MAP3K7CL: variants seen among roughly 807,000 people sequenced by gnomAD.
MAP3K7CL encodes the protein MAP3K7 C-terminal-like protein.
Under a neutral mutation model 18.6 loss-of-function variants are expected in MAP3K7CL, and 16 were observed. That is an observed-to-expected ratio of 0.86 (90% CI 0.58 to 1.31). MAP3K7CL has a LOEUF of 1.31. MAP3K7CL is among the 50% of genes most tolerant of loss of function. MAP3K7CL has a pLI of 0.00. For missense variants in MAP3K7CL, 163 were observed against 174.4 expected (o/e 0.93, Z 0.37); for synonymous variants, 65 against 66.8 (o/e 0.97, Z 0.13).
At chr21:29,171,756 G>A (rs1488498940) in intron 4 of MAP3K7CL, among the ~76,000 whole-genome samples, 3 of 135,716 alleles carry the variant, frequency 2.2e-5, no homozygotes, top group African/African-American at 5.6e-5. Context: ...GAAGTGAGCC[G>A]ACATCACGCC....
intron 4 of MAP3K7CL, among the ~76,000 whole-genome samples, chr21:29,115,569 C>T (rs1251295967): frequency 2.0e-5 from 3 of 152,134 alleles, no homozygotes; most frequent in Admixed American, 6.5e-5. Context: ...GCTTTTTGAC[C>T]GTAGGCAGGT....
At chr21:29,080,642 T>G (rs1170981411) in intron 1 of MAP3K7CL, 1 of 152,246 alleles carries the variant, frequency 6.6e-6, no homozygotes, top group African/African-American at 2.4e-5. Context: ...GTTCTTGATA[T>G]CGGTCCATCT....
At chr21:29,136,348 TA>T (rs1304403226) in intron 2 of MAP3K7CL, among the ~76,000 whole-genome samples, 3 of 152,122 alleles carry the variant, frequency 2.0e-5, no homozygotes, top group Non-Finnish European at 4.4e-5. Flanking sequence ...ACCACACATT[TA>T]GGGGGAAACA....
At chr21:29,112,187 A>G (rs2086431002) in intron 4 of MAP3K7CL, among the ~76,000 whole-genome samples, 1 of 152,114 alleles carries the variant, frequency 6.6e-6, no homozygotes, top group African/African-American at 2.4e-5. Flanking sequence ...AGTCCCAGCT[A>G]CTCAAGAGGC....
chr21:29,131,011 G>A (rs905852965), intron 1 of MAP3K7CL, 88 bp downstream of exon 1: 4 of 826,830 alleles, frequency 4.8e-6, no homozygotes, highest in South Asian at 1.1e-4. Context: ...GCCAAGAGAA[G>A]GAACCTGTGG....
At chr21:29,108,905 A>G (rs1027657234) in intron 4 of MAP3K7CL, 15 of 754,762 alleles carry the variant, frequency 2.0e-5, no homozygotes, top group South Asian at 1.2e-4. Context: ...GTCAGCTCCA[A>G]TGGTGTGAAA....
intron 3 of MAP3K7CL, among the ~76,000 whole-genome samples, chr21:29,152,094 A>G (rs2087289166): frequency 6.6e-6 from 1 of 152,102 alleles, no homozygotes; most frequent in South Asian, 2.1e-4. Context: ...TTGTTTGTTG[A>G]ATGAAGGATA....
At chr21:29,142,855 A>G (rs2087039027) in intron 2 of MAP3K7CL, among the ~76,000 whole-genome samples, 2 of 152,206 alleles carry the variant, frequency 1.3e-5, no homozygotes, top group Admixed American at 1.3e-4. Context: ...AGTTGTTCAC[A>G]TTCACCAATT....
rs188643282 is a variant in MAP3K7CL, at chr21:29,115,249, C to T, written c.370+22668C>T. On this transcript the variant is annotated intron_variant, in intron 4 of 6. Transcript: ENST00000286791. ...CCAAAAGGTATCCTGTTTAGCTTGT[C>T]ATTTAAATAGCTAAGCCCCTGCTAC... Among the ~76,000 whole-genome samples, 26 of 152,312 alleles carry T rather than the reference C, an allele frequency of 1.7e-4. No individual in the cohort carries two copies. The East Asian group carries it at 3.9e-3, about 23-fold the overall frequency.
intron 3 of MAP3K7CL, 34 bp downstream of exon 3, chr21:29,149,284 C>T (rs2087216562): frequency 6.3e-7 from 1 of 1,585,678 alleles, no homozygotes; most frequent in South Asian, 1.1e-5. Context: ...CTTCTTTCCT[C>T]CTTAGTGTCA....
At chr21:29,125,539 T>C (rs1431688785) in intron 4 of MAP3K7CL, among the ~76,000 whole-genome samples, 2 of 152,236 alleles carry the variant, frequency 1.3e-5, no homozygotes, top group Admixed American at 1.3e-4. Context: ...CCAGTTACCC[T>C]TAAAATCAAA....
intron 4 of MAP3K7CL, among the ~76,000 whole-genome samples, chr21:29,168,162 A>G (rs956041553): frequency 6.6e-6 from 1 of 152,232 alleles, no homozygotes; most frequent in Non-Finnish European, 1.5e-5. Context: ...CATTTTCATT[A>G]ACATAAATAC....
chr21:29,147,195 CAT>C (rs1341121413), intron 2 of MAP3K7CL, among the ~76,000 whole-genome samples: 3 of 151,854 alleles, frequency 2.0e-5, no homozygotes, highest in African/African-American at 7.3e-5. Flanking sequence ...ACTGTATATG[CAT>C]ATGTGTACTG....
chr21:29,087,890 G>A (rs911240291), intron 1 of MAP3K7CL, among the ~76,000 whole-genome samples: 1 of 152,090 alleles, frequency 6.6e-6, no homozygotes, highest in Non-Finnish European at 1.5e-5. Context: ...ACCGCGCCCG[G>A]TCGTGCTCAT....
chr21:29,151,693 T>A (rs1012266818), intron 3 of MAP3K7CL, among the ~76,000 whole-genome samples: 2 of 152,336 alleles, frequency 1.3e-5, no homozygotes, highest in East Asian at 3.9e-4. Context: ...AAATTATGGA[T>A]CATTAATTCT....
At chr21:29,141,943 T>C (rs528094180) in intron 2 of MAP3K7CL, among the ~76,000 whole-genome samples, 1 of 152,296 alleles carries the variant, frequency 6.6e-6, no homozygotes, top group South Asian at 2.1e-4. Flanking sequence ...TTTTATCACA[T>C]ATTTTATTCC....
At chr21:29,134,076 C>T (rs906602060) in intron 2 of MAP3K7CL, among the ~76,000 whole-genome samples, 2 of 152,230 alleles carry the variant, frequency 1.3e-5, no homozygotes, top group Non-Finnish European at 2.9e-5. Flanking sequence ...AGGCTTGGCT[C>T]TCTTCCACTG....
At chr21:29,151,722 C>T (rs181317126) in intron 3 of MAP3K7CL, among the ~76,000 whole-genome samples, 63 of 152,276 alleles carry the variant, frequency 4.1e-4, no homozygotes, top group African/African-American at 1.4e-3. Context: ...TGTGTTGGAA[C>T]AACATTTTTT....
At chr21:29,162,348 A>T (rs1369230803) in intron 4 of MAP3K7CL, among the ~76,000 whole-genome samples, 9 of 151,734 alleles carry the variant, frequency 5.9e-5, no homozygotes, top group Admixed American at 1.3e-4. Context: ...CATCCCCTAA[A>T]TTACATGTTC....
Sources: allele counts gnomAD v4.1 joint callset (sites outside exome capture counted in the v4.1 genomes callset), GRCh38; gene constraint gnomAD v4.1.1; transcripts MANE v1.5; gene names NCBI Gene and HGNC (gene_info 2026-07-23, HGNC 2026-07-21).